AKAP8L: variants seen among roughly 807,000 people sequenced by gnomAD.
AKAP8L encodes A-kinase anchoring protein 8 like, also known as A-kinase anchor protein 8-like.
AKAP8L carries 34 observed loss-of-function variants against 77.5 expected under a neutral mutation model. That is an observed-to-expected ratio of 0.44 (90% CI 0.33 to 0.58). The LOEUF (loss-of-function observed/expected upper bound fraction) is 0.58, where lower values mean the gene tolerates loss of function less well. Among genes scored for constraint, AKAP8L ranks in the 20% least tolerant of loss-of-function variants. The pLI, the probability that AKAP8L is intolerant of heterozygous loss-of-function variation, is 0.02. For missense variants in AKAP8L, 806 were observed against 887.6 expected, an observed-to-expected ratio of 0.91 and a Z score of 1.17; for synonymous variants, 342 against 340.7, an observed-to-expected ratio of 1.00 and a Z score of -0.04.
Position 15,401,348 on chromosome 19 carries a change from C to T in AKAP8L, c.618G>A (p.Gly206=), listed in dbSNP as rs201915248. 28 of 1,613,360 alleles carry T rather than the reference C, an allele frequency of 1.7e-5. No homozygotes were observed. In the Admixed American group the frequency reaches 3.3e-4, roughly 19 times the overall value. The change falls in exon 5 of 14, where the codon GGG becomes GGA. Residue 206 remains glycine (G), a synonymous_variant. Transcript: ENST00000397410. This position sits in a 1 kb window ranked among gnomAD's most constrained non-coding sequence, Gnocchi z 6.2. ...GYGRMWEDPM[G]ARGQCMSGAS... is the part of the protein sequence containing the mutation. ...CACCAGACATGCACTGGCCCCGGGC[C>T]CCCATGGGGTCTTCCCACATGCGCC...
At position 15,401,408 on chromosome 19, in the gene AKAP8L, A is replaced by G. The variant is rs1258561940; in HGVS notation, c.558T>C (p.Asp186=). 6.2e-7 allele frequency: 1 copy of G among 1,613,210 alleles called. No individual in the cohort carries two copies. The highest frequency in any genetic ancestry group is 2.2e-5 in the East Asian group (1 of 44,882). ...AGGCCATTGGCCGGCCGCTCCGGGC[A>G]TCCCGGGCCCAGCCCTGTGCCCTGG... ...FGPRAQGWAR[D]ARSGRPMASG... Residue 186 remains aspartate (D), a synonymous_variant, in exon 5 of 14, where the codon GAT becomes GAC. Coordinates refer to ENST00000397410, the MANE Select transcript of AKAP8L (RefSeq NM_014371.4). This position sits in a 1 kb window ranked among gnomAD's most constrained non-coding sequence, Gnocchi z 6.2.
intron 2 of AKAP8L, among the ~76,000 whole-genome samples, chr19:15,407,381 T>C (rs769303360): frequency 6.6e-6 from 1 of 152,244 alleles, no homozygotes; most frequent in Non-Finnish European, 1.5e-5. Context: ...TTGACTGTTT[T>C]TCAAAATGTT....
intron 2 of AKAP8L, among the ~76,000 whole-genome samples, chr19:15,409,362 G>A (rs760381474): frequency 6.6e-6 from 1 of 152,224 alleles, no homozygotes; most frequent in African/African-American, 2.4e-5. Flanking sequence ...GCAGCACAGG[G>A]AAGTCAAGCA....
intron 12 of AKAP8L, among the ~76,000 whole-genome samples, chr19:15,396,698 C>T (rs935913113): frequency 2.6e-5 from 4 of 152,198 alleles, no homozygotes; most frequent in African/African-American, 4.8e-5. Context: ...CTCCTTGGCC[C>T]CCACCACCCC....
rs372238812 is a variant in AKAP8L, at chr19:15,400,921, C to T, written c.913+26G>A. The stretch of plus-strand genomic sequence containing the variant: ...GGAGTTCCCAGAGGCAGGGGGCAGC[C>T]GCCCAGTACCACCTAGTGGGCTCAC... On this transcript the variant is annotated intron_variant, in intron 6 of 13. Coordinates refer to ENST00000397410, the MANE Select transcript of AKAP8L (RefSeq NM_014371.4). 1.2e-4 allele frequency: 191 copies of T among 1,613,856 alleles called. No individual in the cohort carries two copies. The African/African-American group carries it at 2.2e-3, about 18-fold the overall frequency.
At chr19:15,406,362 G>GGGGAGA (rs1555700853) in intron 2 of AKAP8L, among the ~76,000 whole-genome samples, 7 of 89,364 alleles carry the variant, frequency 7.8e-5, no homozygotes, top group African/African-American at 3.1e-4. Flanking sequence ...GAAATTTTAA[G>GGGGAGA]GAGAGAGAGA....
At chr19:15,408,256 C>T (rs968602205) in intron 2 of AKAP8L, among the ~76,000 whole-genome samples, 6 of 151,976 alleles carry the variant, frequency 3.9e-5, no homozygotes, top group Non-Finnish European at 5.9e-5. Context: ...AGTAAAGGTA[C>T]GAAGGCAATT....
At chr19:15,392,596 C>G (rs1323095098) in intron 12 of AKAP8L, among the ~76,000 whole-genome samples, 1 of 151,120 alleles carries the variant, frequency 6.6e-6, no homozygotes, top group Non-Finnish European at 1.5e-5. Context: ...GAATAAAATA[C>G]TTATAAATAA....
chr19:15,417,017 G>A (rs1264168108), intron 1 of AKAP8L, among the ~76,000 whole-genome samples: 2 of 152,086 alleles, frequency 1.3e-5, no homozygotes, highest in Admixed American at 6.5e-5. Flanking sequence ...GTGGTTTTCA[G>A]TTTATCAAGA....
In AKAP8L at chr19:15,388,267, T is replaced by TG. The variant is rs1273412464; in HGVS notation, c.1537-7656dup. On this transcript the variant is annotated intron_variant, in intron 12 of 13. Transcript: ENST00000397410. ...AGTAACAAGACCCTGGGAGGGTGGG[T>TG]GGGGGATCAGTGCCCAGAGTTGCCA... Among the ~76,000 whole-genome samples, 25 of 59,684 alleles carry TG rather than the reference T, an allele frequency of 4.2e-4. 1 individual carries two copies. The highest frequency in any genetic ancestry group is 1.2e-3 in the Admixed American group (5 of 4,290). The allele number at this position is 59,684 out of a possible 152,430, so 39.2% of individuals were successfully genotyped here.
Position 15,410,512 on chromosome 19 carries a change from A to C in AKAP8L, c.88+8T>G. On this transcript the variant is annotated splice_region_variant and intron_variant, in intron 2 of 13. Transcript: ENST00000397410. ...ACACTTTGGTTCCCACCAGAAGTCC[A>C]CACTTACCATAATCACAGGTGGGCT... 6.4e-7 allele frequency: 1 copy of C among 1,570,922 alleles called. No homozygotes were observed. The highest frequency in any genetic ancestry group is 1.2e-5 in the South Asian group (1 of 85,104).
chr19:15,397,633 G>A lies in AKAP8L; in HGVS notation c.1300-8C>T. 1 of 1,613,862 alleles carries A rather than the reference G, an allele frequency of 6.2e-7. No homozygotes were observed. Among genetic ancestry groups the A allele is most frequent in the Non-Finnish European group, 8.5e-7 (1 of 1,179,834 alleles). On this transcript the variant is annotated splice_region_variant and splice_polypyrimidine_tract_variant and intron_variant, in intron 10 of 13. Coordinates refer to ENST00000397410, the MANE Select transcript of AKAP8L (RefSeq NM_014371.4). This position sits in a 1 kb window ranked among gnomAD's most constrained non-coding sequence, Gnocchi z 4.7. The stretch of plus-strand genomic sequence containing the variant: ...CTTGTTAGTGACGTACTCCTGCAAG[G>A]AATATAAAGGTTCATGTGGGCCGCC...
chr19:15,396,679 C>A (rs904415340), intron 12 of AKAP8L, among the ~76,000 whole-genome samples: 3 of 152,176 alleles, frequency 2.0e-5, no homozygotes, highest in African/African-American at 7.2e-5. Flanking sequence ...CTGGAGACTG[C>A]AGGAGCTCCT....
rs1288627145 is a variant in AKAP8L, at chr19:15,397,728, C to A, written c.1285G>T (p.Ala429Ser). 1 of 1,614,002 alleles carries A rather than the reference C, an allele frequency of 6.2e-7. No individual in the cohort carries two copies. The highest frequency in any genetic ancestry group is 8.5e-7 in the Non-Finnish European group (1 of 1,179,896). Residue 429 changes from alanine to serine, a missense_variant, in exon 10 of 14, where the codon GCT becomes TCT. By Grantham distance (99) the Ala-to-Ser change is moderately conservative. Coordinates refer to ENST00000397410, the MANE Select transcript of AKAP8L (RefSeq NM_014371.4). The surrounding 1 kb of genome is among the most constrained non-coding windows in gnomAD (Gnocchi z 4.7). ...YVGTKLPKQTADFLQEYVTNK... is the reference protein window; with the variant it reads ...YVGTKLPKQTSDFLQEYVTNK... ...CCAAGGCTCACCTGCAGAAAGTCAG[C>A]CGTCTGCTTAGGGAGCTTGGTGCCT...
At position 15,382,830 on chromosome 19, in the gene AKAP8L, G is replaced by A. The variant is rs1018848552; in HGVS notation, c.1537-2218C>T. ...ACTGCACTCCATCCTGCACAACATGGCAAGACTCAATTCTTTTTTCTTAAA... is the reference window on the plus strand; with the variant it reads ...ACTGCACTCCATCCTGCACAACATGACAAGACTCAATTCTTTTTTCTTAAA... On this transcript the variant is annotated intron_variant, in intron 12 of 13. Coordinates refer to ENST00000397410, the MANE Select transcript of AKAP8L (RefSeq NM_014371.4). Among the ~76,000 whole-genome samples the A allele has an allele frequency of 2.6e-5, 4 of 152,252 alleles. 1 individual carries two copies. The highest frequency in any genetic ancestry group is 9.6e-5 in the African/African-American group (4 of 41,536).
chr19:15,393,903 C>CAAAAA (rs35729766), intron 12 of AKAP8L, among the ~76,000 whole-genome samples: 6 of 96,438 alleles, frequency 6.2e-5, no homozygotes, highest in Admixed American at 4.4e-4. Context: ...ATCTCTGTCT[C>CAAAAA]AAAAAAAAAA....
At chr19:15,400,162 GCA>G (rs1967862162) in intron 8 of AKAP8L, 131 bp downstream of exon 8, 2 of 873,612 alleles carry the variant, frequency 2.3e-6, no homozygotes, top group Non-Finnish European at 3.7e-6. Context: ...CCCCCTGCCA[GCA>G]CACACTCGGG....
rs189704675 is a variant in AKAP8L at position 15,387,975 on chromosome 19, A to C, written c.1537-7363T>G. ...CTCTTGTCTGGGAGAGGGGGCGGGGAGGGGAGGGGAAAAAAATCCCTATAA... is the reference window on the plus strand; with the variant it reads ...CTCTTGTCTGGGAGAGGGGGCGGGGCGGGGAGGGGAAAAAAATCCCTATAA... On this transcript the variant is annotated intron_variant, in intron 12 of 13. Coordinates refer to ENST00000397410, the MANE Select transcript of AKAP8L (RefSeq NM_014371.4). Among the ~76,000 whole-genome samples the C allele has an allele frequency of 4.7e-3, 656 of 138,478 alleles. 17 individuals are homozygous for C. The highest frequency in any genetic ancestry group is 0.043 in the Admixed American group (603 of 13,964). The allele number at this position is 138,478 out of a possible 152,430, so 90.8% of individuals were successfully genotyped here.
chr19:15,415,567 CA>C lies in AKAP8L; in HGVS notation c.13+3343del, dbSNP rs1968188664. Among the ~76,000 whole-genome samples, 4 of 151,724 alleles carry C rather than the reference CA, an allele frequency of 2.6e-5. No individual in the cohort carries two copies. The South Asian group carries it at 6.2e-4, about 24-fold the overall frequency. On this transcript the variant is annotated intron_variant, in intron 1 of 13. Transcript: ENST00000397410. Reference sequence around the variant, plus strand: ...GTGCAATGGCATGATCATAGCTCAGCAATGTTGAACTCCTGGGCTCCAGCAA... The same window carrying C: ...GTGCAATGGCATGATCATAGCTCAGCATGTTGAACTCCTGGGCTCCAGCAA...
Sources: allele counts gnomAD v4.1 joint callset (sites outside exome capture counted in the v4.1 genomes callset), GRCh38; gene constraint gnomAD v4.1.1; non-coding constraint Gnocchi (gnomAD v3.1); transcripts MANE v1.5; gene names NCBI Gene and HGNC (gene_info 2026-07-23, HGNC 2026-07-21).